Variants in DST observed in about 807,000 individuals in gnomAD.
The protein encoded by DST is dystonin, also known as bullous pemphigoid antigen.
Under a neutral mutation model 875.2 loss-of-function variants are expected in DST, and 253 were observed. That is an observed-to-expected ratio of 0.29 (90% CI 0.26 to 0.32). DST has a LOEUF of 0.32. Among genes scored for constraint, DST ranks in the 10% least tolerant of loss-of-function variants. DST has a pLI of 1.00. For missense variants in DST, 8,287 were observed against 9,111.6 expected, an observed-to-expected ratio of 0.91 and a Z score of 3.68; for synonymous variants, 3,124 against 3,197.1, an observed-to-expected ratio of 0.98 and a Z score of 0.77.
rs745683350 is a variant in DST, at chr6:56,482,165, T to A, written c.21416A>T (p.His7139Leu). 2 of 1,602,730 alleles carry A rather than the reference T, an allele frequency of 1.2e-6. No homozygotes were observed. The highest frequency in any genetic ancestry group is 1.7e-6 in the Non-Finnish European group (2 of 1,171,548). ...EAALRQAEEF[H>L]SVVHALLEWL... ...CTCCAAGAGGGCATGTACCACCGAG[T>A]GGAATTCCTCTGCCTAAGAGTTCAC... is the stretch of plus-strand genomic sequence containing the variant. The change falls in exon 90 of 104, where the codon CAC (histidine) becomes CTC (leucine). Residue 7139 changes from histidine (H) to leucine (L), a missense_variant. Coordinates refer to ENST00000680361, the MANE Select transcript of DST (RefSeq NM_001374736.1).
intron 2 of DST, among the ~76,000 whole-genome samples, chr6:56,924,186 G>A (rs1805792587): frequency 6.6e-6 from 1 of 152,024 alleles, no homozygotes; most frequent in Admixed American, 6.6e-5. Context: ...GGTACCCCAT[G>A]GCCCAGCCAA....
rs1392934289 is a variant in DST, at chr6:56,524,028, T to C, written c.18129+2333A>G. ...TGGCTAATGTCCAGGTCTAAAGATATGCTTTTTTTAATCACTCCTTTTTAT... is the reference window on the plus strand; with the variant it reads ...TGGCTAATGTCCAGGTCTAAAGATACGCTTTTTTTAATCACTCCTTTTTAT... On this transcript the variant is annotated intron_variant, in intron 69 of 103. Coordinates refer to ENST00000680361, the MANE Select transcript of DST (RefSeq NM_001374736.1). Among the ~76,000 whole-genome samples the C allele has an allele frequency of 3.9e-5, 6 of 152,152 alleles. No individual in the cohort carries two copies. The East Asian group carries it at 1.2e-3, about 29-fold the overall frequency.
chr6:56,529,909 CAAATTTATGTCACAA>C (rs2152512047), intron 65 of DST, 50 bp downstream of exon 65: 1 of 1,576,516 alleles, frequency 6.3e-7, no homozygotes, highest in Non-Finnish European at 8.6e-7. Flanking sequence ...GTACATAACT[CAAATTTATGTCACAA>C]AACCACACAA....
At chr6:56,725,990 A>T (rs1470484016) in intron 5 of DST, among the ~76,000 whole-genome samples, 2 of 152,230 alleles carry the variant, frequency 1.3e-5, no homozygotes, top group Non-Finnish European at 2.9e-5. Flanking sequence ...AGCAAACAAC[A>T]GCATCAGAAT....
intron 5 of DST, among the ~76,000 whole-genome samples, chr6:56,712,495 T>C (rs534403061): frequency 6.6e-6 from 1 of 152,236 alleles, no homozygotes; most frequent in East Asian, 1.9e-4. Context: ...TAAGTGAAAA[T>C]GTGTGGTTGT....
intron 3 of DST, chr6:56,862,062 G>A (rs1480840364): frequency 6.6e-6 from 1 of 152,132 alleles, no homozygotes; most frequent in African/African-American, 2.4e-5. Context: ...ATGTCTGTTG[G>A]GTGAATTTAT....
At chr6:56,702,779 G>C (rs1024057785) in intron 7 of DST, among the ~76,000 whole-genome samples, 1 of 152,114 alleles carries the variant, frequency 6.6e-6, no homozygotes, top group Non-Finnish European at 1.5e-5. Flanking sequence ...AAAAAATGGA[G>C]CTGAAATTTA....
chr6:56,937,178 G>A (rs188757280), intron 2 of DST, among the ~76,000 whole-genome samples: 245 of 151,770 alleles, frequency 1.6e-3, no homozygotes, highest in Non-Finnish European at 2.8e-3. Context: ...TTGATAAATT[G>A]GACTTATTAA....
At chr6:56,796,272 C>G (rs746627996) in intron 4 of DST, among the ~76,000 whole-genome samples, 186 of 152,102 alleles carry the variant, frequency 1.2e-3, no homozygotes, top group Admixed American at 3.0e-3. Context: ...AGAGCACAAA[C>G]AAGGAAAGTC....
At chr6:56,823,583 G>T (rs1310925701) in intron 4 of DST, among the ~76,000 whole-genome samples, 1 of 151,958 alleles carries the variant, frequency 6.6e-6, no homozygotes, top group Non-Finnish European at 1.5e-5. Context: ...GCTCATTTTT[G>T]TATTTTTATT....
chr6:56,595,332 T>A (rs1036817100), intron 47 of DST, among the ~76,000 whole-genome samples: 1 of 152,052 alleles, frequency 6.6e-6, no homozygotes, highest in African/African-American at 2.4e-5. Context: ...TTGAGTCCCG[T>A]TTAAATGCTG....
chr6:56,471,718 T>G (rs1377829237), intron 94 of DST: 1 of 383,240 alleles, frequency 2.6e-6, no homozygotes, highest in Non-Finnish European at 4.9e-6. Flanking sequence ...ATACACACAA[T>G]CAAAAGATCT....
intron 47 of DST, 44 bp downstream of exon 47, chr6:56,597,696 C>A (rs773982814): frequency 6.4e-7 from 1 of 1,562,236 alleles, no homozygotes; most frequent in South Asian, 1.2e-5. Flanking sequence ...CTTTACCAAC[C>A]TGGAAATAGA....
Position 56,466,181 on chromosome 6 carries a change from C to G in DST, c.22584G>C (p.Gln7528His). ...GCAGGATCCGGACCAGTCGCAGTTG[C>G]TGGGAGTCTCCAAACTGTTCAGTGA... ...FFLGNQFGDSQQLRLVRILRS... is the reference protein window; with the variant it reads ...FFLGNQFGDSHQLRLVRILRS... The change falls in exon 99 of 104, where the codon CAG becomes CAC. Residue 7528 changes from glutamine to histidine, a missense_variant. Physicochemically the swap from Gln to His is conservative, Grantham distance 24 (BLOSUM62 0). This residue lies in a region of DST where 87 missense variants were observed against 209.7 expected (regional missense o/e 0.41). Coordinates refer to ENST00000680361, the MANE Select transcript of DST (RefSeq NM_001374736.1). 1 of 1,607,774 alleles carries G rather than the reference C, an allele frequency of 6.2e-7. No homozygotes were observed. Among genetic ancestry groups the G allele is most frequent in the Non-Finnish European group, 8.5e-7 (1 of 1,176,798 alleles).
intron 2 of DST, among the ~76,000 whole-genome samples, chr6:56,940,926 T>C (rs974373754): frequency 2.0e-5 from 3 of 152,158 alleles, no homozygotes; most frequent in Admixed American, 6.5e-5. Context: ...TCCATAGTTA[T>C]ACCCTCTCTT....
At chr6:56,798,796 A>T (rs1290767645) in intron 4 of DST, among the ~76,000 whole-genome samples, 1 of 152,192 alleles carries the variant, frequency 6.6e-6, no homozygotes, top group Non-Finnish European at 1.5e-5. Context: ...AAGAACATTC[A>T]TGATTCATGG....
intron 32 of DST, 151 bp downstream of exon 32, chr6:56,629,099 C>T (rs2098756994): frequency 5.5e-6 from 4 of 730,904 alleles, no homozygotes; most frequent in Non-Finnish European, 9.0e-6. Flanking sequence ...TAAAGTCCTC[C>T]AAGTAAGAAA....
chr6:56,896,977 C>T (rs973640289), intron 3 of DST, among the ~76,000 whole-genome samples: 1 of 152,172 alleles, frequency 6.6e-6, no homozygotes, highest in African/African-American at 2.4e-5. Context: ...AATTAAGCCC[C>T]AACTATTTAT....
At chr6:56,546,357 T>TATATATATATATATATTTC (rs2097222483) in intron 61 of DST, among the ~76,000 whole-genome samples, 2 of 78,874 alleles carry the variant, frequency 2.5e-5, no homozygotes, top group African/African-American at 1.1e-4. Context: ...CATATATATA[T>TATATATATATATATATTTC]ATATATATAT....
Sources: gnomAD v4.1 joint callset for allele counts (sites outside exome capture counted in the v4.1 genomes callset) on GRCh38, gnomAD v4.1.1 for gene constraint, gnomAD v4.1.1 regional missense constraint, MANE v1.5 for transcripts, NCBI Gene and HGNC (gene_info 2026-07-23, HGNC 2026-07-21) for gene names.